Variants in TLL1 observed in about 807,000 individuals in gnomAD.
TLL1 encodes tolloid-like protein 1.
Under a neutral mutation model 128.2 loss-of-function variants are expected in TLL1, and 49 were observed. The observed-to-expected ratio is 0.38, with a 90% CI of 0.30 to 0.48. The LOEUF (loss-of-function observed/expected upper bound fraction) is 0.48. Ranked by LOEUF, TLL1 falls within the 20% of genes least tolerant of loss-of-function variation. TLL1 has a pLI of 0.96. For missense variants in TLL1, 1,123 were observed against 1,242.0 expected, an observed-to-expected ratio of 0.90 and a Z score of 1.44; for synonymous variants, 454 against 418.8, an observed-to-expected ratio of 1.08 and a Z score of -1.03.
chr4:166,043,564 A>G (rs780088977), intron 12 of TLL1, 145 bp downstream of exon 12: 3 of 1,215,156 alleles, frequency 2.5e-6, no homozygotes, highest in Non-Finnish European at 3.6e-6. Context: ...AAAATGCAAC[A>G]TCAAGAGCAA....
At chr4:165,940,586 A>G (rs1733960757) in intron 1 of TLL1, among the ~76,000 whole-genome samples, 1 of 152,064 alleles carries the variant, frequency 6.6e-6, no homozygotes, top group Admixed American at 6.6e-5. Context: ...AATTCGTTAT[A>G]TGAAAAGGAT....
intron 1 of TLL1, among the ~76,000 whole-genome samples, chr4:165,953,578 A>G (rs1734636788): frequency 6.9e-6 from 1 of 144,558 alleles, no homozygotes; most frequent in Admixed American, 6.7e-5. Flanking sequence ...AAAAAAAAAA[A>G]AAAAGAAAGA....
chr4:165,971,549 G>T (rs910483535), intron 1 of TLL1, among the ~76,000 whole-genome samples: 5 of 152,052 alleles, frequency 3.3e-5, no homozygotes, highest in Non-Finnish European at 7.4e-5. Context: ...AAATTCAGTG[G>T]CATTCTTGCC....
rs1289864980 is a variant in TLL1 at position 166,101,138 on chromosome 4, A to G, written c.*262A>G. ...CATATACTTCAAGGAAGACTCTACA[A>G]GCTTTTGTTCACAGCTTGAAATAGA... is the stretch of plus-strand genomic sequence containing the variant. On this transcript the variant is annotated 3_prime_UTR_variant, in exon 21 of 21. Transcript: ENST00000061240. 2.3e-6 allele frequency: 1 copy of G among 430,058 alleles called. No homozygotes were observed. Among genetic ancestry groups the G allele is most frequent in the Non-Finnish European group, 4.3e-6 (1 of 234,404 alleles). 26.6% of individuals were successfully genotyped at this position (430,058 alleles called of 1,614,324 possible). A position where few individuals can be genotyped will look rare whatever the true frequency, so the allele number is the denominator to read the frequency against.
rs959976010 is a variant in TLL1 at position 166,039,406 on chromosome 4, T to C, written c.1226T>C (p.Val409Ala). 3.7e-6 allele frequency: 6 copies of C among 1,613,182 alleles called. No individual in the cohort carries two copies. Among genetic ancestry groups the C allele is most frequent in the Non-Finnish European group, 5.1e-6 (6 of 1,179,462 alleles). The change falls in exon 10 of 21, where the codon GTA (valine) becomes GCA (alanine). Residue 409 changes from valine to alanine, a missense_variant. Coordinates refer to ENST00000061240, the MANE Select transcript of TLL1 (RefSeq NM_012464.5). ...SSLCWYDYIEVRDGYWRKSPL... is the reference protein window; with the variant it reads ...SSLCWYDYIEARDGYWRKSPL... ...TTGTGCTGGTATGACTATATTGAAGTAAGAGACGGGTACTGGAGAAAATCA... is the reference window on the plus strand; with the variant it reads ...TTGTGCTGGTATGACTATATTGAAGCAAGAGACGGGTACTGGAGAAAATCA...
chr4:166,022,566 G>A (rs1049666023), intron 8 of TLL1, among the ~76,000 whole-genome samples: 20 of 152,162 alleles, frequency 1.3e-4, no homozygotes, highest in African/African-American at 3.9e-4. Flanking sequence ...TTATAAATGT[G>A]TTCCTACAGA....
At chr4:165,915,598 C>A (rs1002005861) in intron 1 of TLL1, among the ~76,000 whole-genome samples, 4 of 152,150 alleles carry the variant, frequency 2.6e-5, no homozygotes, top group Non-Finnish European at 4.4e-5. Context: ...AGGCCCAAGT[C>A]GGCTGGGAGA....
intron 1 of TLL1, among the ~76,000 whole-genome samples, chr4:165,917,720 T>C (rs1486499266): frequency 6.6e-6 from 1 of 152,164 alleles, no homozygotes; most frequent in Non-Finnish European, 1.5e-5. Context: ...ACAAAGCACA[T>C]TTTAGTTAAG....
At chr4:166,045,163 T>C (rs1450614335) in intron 12 of TLL1, among the ~76,000 whole-genome samples, 1 of 152,200 alleles carries the variant, frequency 6.6e-6, no homozygotes, top group East Asian at 1.9e-4. Flanking sequence ...TTATTTATTG[T>C]CTCTAGTTTC....
Position 165,918,622 on chromosome 4 carries a change from T to C in TLL1, c.169+44549T>C, listed in dbSNP as rs369610006. On this transcript the variant is annotated intron_variant, in intron 1 of 20. Transcript: ENST00000061240. ...AACAGATCACTGCTGTAAATCTTGG[T>C]AAAGTCATAGAGCTATTTATCTTTA... Among the ~76,000 whole-genome samples, 23 of 152,278 alleles carry C rather than the reference T, an allele frequency of 1.5e-4. 1 individual carries two copies. The South Asian group carries it at 4.6e-3, about 30-fold the overall frequency.
intron 1 of TLL1, among the ~76,000 whole-genome samples, chr4:165,977,223 G>C (rs942770598): frequency 6.6e-5 from 10 of 152,142 alleles, no homozygotes; most frequent in Admixed American, 1.3e-4. Flanking sequence ...GAACCTGGTG[G>C]GAGGTGATTG....
At chr4:166,023,757 C>A (rs1738355991) in intron 8 of TLL1, among the ~76,000 whole-genome samples, 1 of 152,070 alleles carries the variant, frequency 6.6e-6, no homozygotes, top group African/African-American at 2.4e-5. Flanking sequence ...TATTTATCTT[C>A]TTAATCAGAA....
chr4:165,998,881 T>C (rs1217692700), intron 5 of TLL1, among the ~76,000 whole-genome samples: 1 of 152,170 alleles, frequency 6.6e-6, no homozygotes, highest in East Asian at 1.9e-4. Context: ...GTTTTGGGAA[T>C]GTAGAGTTGA....
chr4:165,953,799 A>C, intron 1 of TLL1, among the ~76,000 whole-genome samples: 1 of 152,012 alleles, frequency 6.6e-6, no homozygotes, highest in East Asian at 1.9e-4. Context: ...CTGAAATGGA[A>C]TTATGTGAAT....
intron 12 of TLL1, among the ~76,000 whole-genome samples, chr4:166,052,969 A>G (rs7661511): frequency 0.063 from 7,818 of 124,116 alleles, 936 homozygotes; most frequent in African/African-American, 0.11. Flanking sequence ...TTATGTGTAT[A>G]TATATATATA....
At chr4:165,915,598 C>T (rs1002005861) in intron 1 of TLL1, among the ~76,000 whole-genome samples, 5 of 152,150 alleles carry the variant, frequency 3.3e-5, no homozygotes, top group Middle Eastern at 3.2e-3. Context: ...AGGCCCAAGT[C>T]GGCTGGGAGA....
chr4:165,919,140 G>A (rs892832381), intron 1 of TLL1, among the ~76,000 whole-genome samples: 1 of 152,064 alleles, frequency 6.6e-6, no homozygotes, highest in African/African-American at 2.4e-5. Context: ...CCAGCAGTTT[G>A]GAAGACCAAG....
At chr4:166,028,007 A>T (rs1279416016) in intron 9 of TLL1, among the ~76,000 whole-genome samples, 1 of 152,134 alleles carries the variant, frequency 6.6e-6, no homozygotes, top group African/African-American at 2.4e-5. Context: ...TTGGAGTGTT[A>T]TAAGAAGCCA....
At chr4:165,938,426 A>T (rs1274675989) in intron 1 of TLL1, among the ~76,000 whole-genome samples, 2 of 152,068 alleles carry the variant, frequency 1.3e-5, no homozygotes, top group Non-Finnish European at 2.9e-5. Flanking sequence ...TTTTATCTAG[A>T]CAGTCTGGTG....
Sources: allele counts gnomAD v4.1 joint callset (sites outside exome capture counted in the v4.1 genomes callset), GRCh38; gene constraint gnomAD v4.1.1; transcripts MANE v1.5; gene names NCBI Gene and HGNC (gene_info 2026-07-23, HGNC 2026-07-21).